The following ADGRL2 variants were observed in gnomAD, a reference collection of about 807,000 sequenced individuals.
ADGRL2 encodes the protein calcium-independent alpha-latrotoxin receptor 2.
A neutral mutation model predicts 157.4 loss-of-function variants in ADGRL2; 44 were observed. The ratio of observed to expected loss-of-function variants is 0.28; its 90% confidence interval spans 0.22 to 0.36. The LOEUF is 0.36. Among genes scored for constraint, ADGRL2 ranks in the 10% least tolerant of loss-of-function variants. The pLI, the probability that ADGRL2 is intolerant of heterozygous loss-of-function variation, is 1.00. For missense variants in ADGRL2, 1,510 were observed against 1,768.9 expected (o/e 0.85, Z 2.63); for synonymous variants, 585 against 624.7 (o/e 0.94, Z 0.95).
chr1:81,613,184 A>T (rs894025048), intron 3 of ADGRL2, among the ~76,000 whole-genome samples: 1 of 152,194 alleles, frequency 6.6e-6, no homozygotes. Flanking sequence ...TAGAACTGAG[A>T]TCATTTTACT....
intron 3 of ADGRL2, among the ~76,000 whole-genome samples, chr1:81,582,385 G>A (rs937405701): frequency 2.0e-5 from 3 of 151,926 alleles, no homozygotes; most frequent in Admixed American, 1.3e-4. Flanking sequence ...TGGCTTCTGT[G>A]TATTGCAATA....
chr1:81,992,314 G>T lies in ADGRL2; in HGVS notation c.*1169G>T, dbSNP rs566235335. On this transcript the variant is annotated 3_prime_UTR_variant, in exon 24 of 24. Transcript: ENST00000686636. ...ATGTAAATTGTTTCAGCAAAATTCTGCTTTTTTTTCATCCCTTTGTGTAAA... is the reference window on the plus strand; with the variant it reads ...ATGTAAATTGTTTCAGCAAAATTCTTCTTTTTTTTCATCCCTTTGTGTAAA... 4.6e-5 allele frequency: 7 copies of T among 152,408 alleles called. No individual in the cohort carries two copies. Among genetic ancestry groups the T allele is most frequent in the Non-Finnish European group, 8.8e-5 (6 of 67,992 alleles). The allele number at this position is 152,408 out of a possible 1,614,324, so 9.4% of individuals were successfully genotyped here.
chr1:81,487,684 G>T (rs913731033), intron 2 of ADGRL2, among the ~76,000 whole-genome samples: 5 of 151,744 alleles, frequency 3.3e-5, no homozygotes, highest in African/African-American at 1.2e-4. Context: ...TGGAAAATGG[G>T]GAATATTACT....
At chr1:81,820,257 T>A (rs1185706964) in intron 1 of ADGRL2, among the ~76,000 whole-genome samples, 1 of 152,190 alleles carries the variant, frequency 6.6e-6, no homozygotes, top group African/African-American at 2.4e-5. Context: ...CAAATTGTGC[T>A]GGAACCTAAC....
At chr1:81,463,132 AAAG>A (rs1392506587) in intron 2 of ADGRL2, among the ~76,000 whole-genome samples, 1 of 148,064 alleles carries the variant, frequency 6.8e-6, no homozygotes, top group African/African-American at 2.4e-5. Flanking sequence ...AAAAAAAAAA[AAAG>A]AAAAAGAAAA....
At chr1:81,567,251 TTAAAA>T (rs2080583144) in intron 2 of ADGRL2, among the ~76,000 whole-genome samples, 1 of 152,076 alleles carries the variant, frequency 6.6e-6, no homozygotes, top group African/African-American at 2.4e-5. Flanking sequence ...TTTAAATGAA[TTAAAA>T]TAAGCAAAAT....
intron 3 of ADGRL2, among the ~76,000 whole-genome samples, chr1:81,604,361 G>A (rs189450778): frequency 3.9e-4 from 59 of 152,224 alleles, no homozygotes; most frequent in South Asian, 3.3e-3. Flanking sequence ...TTCCCCATGC[G>A]GGGCATTGTG....
At chr1:81,914,089 C>T (rs929448338) in intron 3 of ADGRL2, among the ~76,000 whole-genome samples, 1 of 151,776 alleles carries the variant, frequency 6.6e-6, no homozygotes, top group African/African-American at 2.4e-5. Context: ...TTACAATGCA[C>T]TCACAGTTCT....
At chr1:81,938,820 T>C (rs2095347492) in intron 4 of ADGRL2, among the ~76,000 whole-genome samples, 1 of 151,652 alleles carries the variant, frequency 6.6e-6, no homozygotes, top group African/African-American at 2.4e-5. Flanking sequence ...GTGTCTTATC[T>C]CTTTTTCCCA....
intron 2 of ADGRL2, among the ~76,000 whole-genome samples, chr1:81,785,271 G>A (rs11163374): frequency 0.18 from 27,068 of 151,974 alleles, 2,522 homozygotes; most frequent in African/African-American, 0.21. Flanking sequence ...AATTACAGTT[G>A]ATTCAAAGAC....
At position 81,943,254 on chromosome 1, in the gene ADGRL2, A is replaced by G; in HGVS notation, c.695A>G (p.Asn232Ser). ...AVFFNKERTR[N>S]IVKFDLRTRI... ...TTCTTTAACAAAGAAAGAACGAGGA[A>G]TATTGTGAAATTTGACTTGAGGACT... Residue 232 changes from asparagine to serine, a missense_variant, in exon 6 of 24, where the codon AAT (asparagine) becomes AGT (serine). Around this residue, in one of 4 missense-constraint regions of ADGRL2, gnomAD observed 361 missense variants for 498.4 expected, o/e 0.72. Transcript: ENST00000686636. The surrounding 1 kb of genome is among the most constrained non-coding windows in gnomAD (Gnocchi z 5.6). 6.2e-7 allele frequency: 1 copy of G among 1,613,654 alleles called. No individual in the cohort carries two copies. The highest frequency in any genetic ancestry group is 1.1e-5 in the South Asian group (1 of 91,068).
At chr1:81,387,865 G>A (rs1230780951) in intron 1 of ADGRL2, among the ~76,000 whole-genome samples, 1 of 151,600 alleles carries the variant, frequency 6.6e-6, no homozygotes, top group Non-Finnish European at 1.5e-5. Context: ...CTCTCCTATG[G>A]GACTCTAACA....
intron 3 of ADGRL2, among the ~76,000 whole-genome samples, chr1:81,658,140 A>C (rs2082574851): frequency 6.6e-6 from 1 of 152,182 alleles, no homozygotes. Context: ...CTGTCGCCCA[A>C]GCTGGAGTGC....
At chr1:81,536,975 G>A (rs1443346522) in intron 2 of ADGRL2, among the ~76,000 whole-genome samples, 1 of 152,196 alleles carries the variant, frequency 6.6e-6, no homozygotes, top group African/African-American at 2.4e-5. Flanking sequence ...AGGCAATACT[G>A]TGTGAAGTAA....
In ADGRL2 at chr1:81,465,110, G is replaced by A. The variant is rs538687961; in HGVS notation, c.-248+20021G>A. On this transcript the variant is annotated intron_variant, in intron 2 of 24. Transcript: ENST00000370721. Reference sequence around the variant, plus strand: ...TTCAGCTACGTTGTTTAGATCTACTGTATTGTTTGTGAAATCATTCACTGT... The same window carrying A: ...TTCAGCTACGTTGTTTAGATCTACTATATTGTTTGTGAAATCATTCACTGT... Among the ~76,000 whole-genome samples, 38 of 152,152 alleles carry A rather than the reference G, an allele frequency of 2.5e-4. 1 individual carries two copies. The South Asian group carries it at 6.0e-3, about 24-fold the overall frequency.
chr1:81,801,552 G>A (rs2088143426), intron 1 of ADGRL2, among the ~76,000 whole-genome samples: 1 of 152,192 alleles, frequency 6.6e-6, no homozygotes, highest in South Asian at 2.1e-4. Flanking sequence ...TGTGTGTGGC[G>A]TGGCTCTTCC....
At chr1:81,349,357 A>G (rs910589393) in intron 1 of ADGRL2, among the ~76,000 whole-genome samples, 8 of 152,254 alleles carry the variant, frequency 5.3e-5, no homozygotes, top group South Asian at 2.1e-4. Flanking sequence ...TGATCCTTCT[A>G]TTCATGTTGT....
intron 2 of ADGRL2, among the ~76,000 whole-genome samples, chr1:81,855,050 G>A (rs1223987797): frequency 6.6e-6 from 1 of 152,084 alleles, no homozygotes; most frequent in African/African-American, 2.4e-5. Flanking sequence ...TGAGAATATT[G>A]AACAAGTTCC....
chr1:81,804,598 T>G (rs2088830816), intron 1 of ADGRL2, among the ~76,000 whole-genome samples: 1 of 152,236 alleles, frequency 6.6e-6, no homozygotes, highest in South Asian at 2.1e-4. Flanking sequence ...GCCAAAAACA[T>G]TGTCTATTGC....
Sources: gnomAD v4.1 joint callset for allele counts (sites outside exome capture counted in the v4.1 genomes callset) on GRCh38, gnomAD v4.1.1 for gene constraint, gnomAD v4.1.1 regional missense constraint, Gnocchi (gnomAD v3.1) non-coding constraint, MANE v1.5 for transcripts, NCBI Gene and HGNC (gene_info 2026-07-23, HGNC 2026-07-21) for gene names.